The following RAB23 variants were observed in gnomAD, a reference collection of about 807,000 sequenced individuals.
RAB23 encodes ras-related protein Rab-23.
Under a neutral mutation model 30.0 loss-of-function variants are expected in RAB23, and 15 were observed. The observed-to-expected ratio is 0.50, with a 90% CI of 0.33 to 0.77. The LOEUF (loss-of-function observed/expected upper bound fraction) is 0.77. Ranked by LOEUF, RAB23 falls within the 30% of genes least tolerant of loss-of-function variation. The pLI is 0.02. For missense variants in RAB23, 243 were observed against 275.4 expected (o/e 0.88, Z 0.83); for synonymous variants, 93 against 94.0 (o/e 0.99, Z 0.06).
At chr6:57,201,954 A>G (rs887481348) in intron 3 of RAB23, among the ~76,000 whole-genome samples, 1 of 152,212 alleles carries the variant, frequency 6.6e-6, no homozygotes, top group African/African-American at 2.4e-5. Context: ...GTCTTGTTTC[A>G]ACATCTCTCA....
chr6:57,196,360 T>C, intron 4 of RAB23, 90 bp downstream of exon 4: 1 of 1,479,094 alleles, frequency 6.8e-7, no homozygotes. Flanking sequence ...GTATAGAATT[T>C]TTCCTAGAAC....
intron 2 of RAB23, among the ~76,000 whole-genome samples, chr6:57,207,941 A>G (rs574380666): frequency 6.6e-6 from 1 of 152,192 alleles, no homozygotes; most frequent in Non-Finnish European, 1.5e-5. Context: ...AACCACTGTA[A>G]ATTCAAAAAA....
intron 3 of RAB23, among the ~76,000 whole-genome samples, chr6:57,200,851 A>G (rs1000759647): frequency 1.3e-5 from 2 of 152,220 alleles, no homozygotes; most frequent in African/African-American, 4.8e-5. Flanking sequence ...GCCTCTCCCA[A>G]TGGCAGGGCA....
In RAB23 at chr6:57,207,399, G is replaced by A. The variant is rs978474210; in HGVS notation, c.241+229C>T. 3.4e-4 allele frequency among the ~76,000 whole-genome samples: 52 copies of A among 152,290 alleles called. 1 individual carries two copies. Among genetic ancestry groups the A allele is most frequent in the African/African-American group, 1.2e-3 (51 of 41,572 alleles). ...TGATTTGGTCTGGGAATGCCTACAT[G>A]AGTCATATAATTCTAAGGCAGAGAC... On this transcript the variant is annotated intron_variant, in intron 3 of 6. Transcript: ENST00000468148.
chr6:57,193,787 A>C, intron 6 of RAB23, 55 bp downstream of exon 6: 1 of 1,589,614 alleles, frequency 6.3e-7, no homozygotes, highest in Non-Finnish European at 8.6e-7. Flanking sequence ...AGCATATTAT[A>C]TGTGTTTTTT....
Position 57,190,516 on chromosome 6 carries a change from T to C in RAB23, c.659A>G (p.Asn220Ser). The C allele has an allele frequency of 6.2e-7, 1 of 1,614,114 alleles. No individual in the cohort carries two copies. Among genetic ancestry groups the C allele is most frequent in the Non-Finnish European group, 8.5e-7 (1 of 1,179,966 alleles). Residue 220 changes from asparagine (N) to serine (S), a missense_variant, in exon 7 of 7, where the codon AAC (asparagine) becomes AGC (serine). Coordinates refer to ENST00000468148, the MANE Select transcript of RAB23 (RefSeq NM_016277.5). ...NGGDVINLRP[N>S]KQRTKKNRNP... ...TCTGTTTTTCTTGGTCCTTTGTTTG[T>C]TGGGTCTAAGATTGATGACATCTCC...
At chr6:57,200,873 T>A (rs140443082) in intron 3 of RAB23, among the ~76,000 whole-genome samples, 19 of 152,276 alleles carry the variant, frequency 1.2e-4, no homozygotes, top group African/African-American at 4.3e-4. Flanking sequence ...AGAATGCACA[T>A]GAATTTCATA....
intron 6 of RAB23, among the ~76,000 whole-genome samples, chr6:57,192,194 A>G (rs1382905710): frequency 6.6e-6 from 1 of 152,206 alleles, no homozygotes; most frequent in East Asian, 1.9e-4. Context: ...TCCTACTTAT[A>G]CTAAACCAGT....
At chr6:57,196,733 A>C in intron 3 of RAB23, 127 bp from the exon 4 acceptor site, 2 of 1,158,650 alleles carry the variant, frequency 1.7e-6, no homozygotes, top group Non-Finnish European at 2.5e-6. Context: ...CTTTTATGTA[A>C]ATAAATGTTG....
In RAB23 at chr6:57,207,721, A is replaced by T; in HGVS notation, c.156-8T>A. ...ACATCTTCATCATTAACTCTAAAACAAGAGATGAATTTATTTCATATGTAA... is the reference window on the plus strand; with the variant it reads ...ACATCTTCATCATTAACTCTAAAACTAGAGATGAATTTATTTCATATGTAA... On this transcript the variant is annotated splice_polypyrimidine_tract_variant and splice_region_variant and intron_variant, in intron 2 of 6. Coordinates refer to ENST00000468148, the MANE Select transcript of RAB23 (RefSeq NM_016277.5). 1.3e-6 allele frequency: 2 copies of T among 1,544,924 alleles called. No individual in the cohort carries two copies. Among genetic ancestry groups the T allele is most frequent in the Non-Finnish European group, 1.8e-6 (2 of 1,118,892 alleles).
In RAB23 at chr6:57,199,365, T is replaced by C. The variant is rs187545056; in HGVS notation, c.242-2759A>G. Among the ~76,000 whole-genome samples the C allele has an allele frequency of 3.4e-3, 511 of 152,320 alleles. 4 individuals are homozygous for C. The highest frequency in any genetic ancestry group is 0.012 in the African/African-American group (495 of 41,568). On this transcript the variant is annotated intron_variant, in intron 3 of 6. Transcript: ENST00000468148. ...TGGCCCACAGTGATACTTAGAACGC[T>C]TTACTGGTTTTTCTCCCTTCCTTGC...
intron 3 of RAB23, among the ~76,000 whole-genome samples, chr6:57,207,424 C>T (rs1236987408): frequency 6.6e-6 from 1 of 152,174 alleles, no homozygotes; most frequent in Admixed American, 6.5e-5. Flanking sequence ...AAGGCAGAGA[C>T]AAACTGTCTA....
intron 3 of RAB23, among the ~76,000 whole-genome samples, chr6:57,205,111 G>A (rs951376349): frequency 2.3e-4 from 34 of 148,918 alleles, no homozygotes; most frequent in Admixed American, 2.2e-3. Flanking sequence ...TATATACACT[G>A]TGTGTATATA....
chr6:57,208,626 CAAAAAAAAAAAA>C (rs1168854982), intron 2 of RAB23, among the ~76,000 whole-genome samples: 1 of 46,918 alleles, frequency 2.1e-5, no homozygotes, highest in African/African-American at 8.7e-5. Context: ...GACTCTGTCT[CAAAAAAAAAAAA>C]AAAAAAAAAA....
intron 2 of RAB23, among the ~76,000 whole-genome samples, chr6:57,210,002 C>T (rs1240935573): frequency 7.2e-6 from 1 of 138,976 alleles, no homozygotes; most frequent in Admixed American, 7.3e-5. Flanking sequence ...CAGAAAAAAA[C>T]GTGGAGAGTA....
intron 1 of RAB23, among the ~76,000 whole-genome samples, chr6:57,215,217 G>C (rs1355009619): frequency 1.3e-5 from 2 of 152,082 alleles, no homozygotes; most frequent in African/African-American, 2.4e-5. Flanking sequence ...AGGAGGAGAG[G>C]AGAAAGAAGA....
At chr6:57,202,364 G>A (rs527581968) in intron 3 of RAB23, among the ~76,000 whole-genome samples, 5 of 152,266 alleles carry the variant, frequency 3.3e-5, no homozygotes, top group Admixed American at 6.5e-5. Flanking sequence ...TTCTCTGCTG[G>A]AGGTGGGAGT....
At chr6:57,210,502 A>G in intron 1 of RAB23, 57 bp from the exon 2 acceptor site, 1 of 1,113,258 alleles carries the variant, frequency 9.0e-7, no homozygotes, top group Non-Finnish European at 1.3e-6. Context: ...AAATAAACTA[A>G]TTGTTTTATC....
intron 1 of RAB23, among the ~76,000 whole-genome samples, chr6:57,217,096 A>G (rs1395050888): frequency 6.6e-6 from 1 of 152,070 alleles, no homozygotes; most frequent in Non-Finnish European, 1.5e-5. Flanking sequence ...ACTGATCACA[A>G]TGGAATCAAA....
Sources: gnomAD v4.1 joint callset for allele counts (sites outside exome capture counted in the v4.1 genomes callset) on GRCh38, gnomAD v4.1.1 for gene constraint, MANE v1.5 for transcripts, NCBI Gene and HGNC (gene_info 2026-07-23, HGNC 2026-07-21) for gene names.